Variants in CHCHD6 observed in about 807,000 individuals in gnomAD.
CHCHD6 encodes the protein coiled-coil-helix-coiled-coil-helix domain containing 6.
CHCHD6 carries 28 observed loss-of-function variants against 32.3 expected under a neutral mutation model. The ratio of observed to expected loss-of-function variants is 0.87; its 90% CI spans 0.64 to 1.19. The LOEUF (loss-of-function observed/expected upper bound fraction) is 1.19. CHCHD6 is among the 50% of genes most tolerant of loss of function. The probability of loss-of-function intolerance (pLI) is 0.00; values close to 1 mark genes in which losing one functional copy is unlikely to be tolerated. For missense variants in CHCHD6, 333 were observed against 307.0 expected, an observed-to-expected ratio of 1.08 and a Z score of -0.63; for synonymous variants, 122 against 117.5, an observed-to-expected ratio of 1.04 and a Z score of -0.25.
chr3:126,880,852 A>C (rs1331261811), intron 5 of CHCHD6, among the ~76,000 whole-genome samples: 1 of 152,246 alleles, frequency 6.6e-6, no homozygotes, highest in Non-Finnish European at 1.5e-5. Flanking sequence ...AAATAGTGAA[A>C]ATGATCAAAG....
chr3:126,865,041 TTCATCACTA>T, intron 5 of CHCHD6, among the ~76,000 whole-genome samples: 1 of 111,854 alleles, frequency 8.9e-6, no homozygotes, highest in Admixed American at 9.1e-5. Flanking sequence ...CTACCTCTAC[TTCATCACTA>T]CCTCCTCCTC....
intron 4 of CHCHD6, among the ~76,000 whole-genome samples, chr3:126,848,195 C>T (rs181761776): frequency 1.3e-5 from 2 of 152,262 alleles, no homozygotes; most frequent in Middle Eastern, 3.4e-3. Flanking sequence ...AGTCTGGTCT[C>T]CAGCTCCTGG....
chr3:126,742,507 T>C (rs1330348812), intron 4 of CHCHD6, among the ~76,000 whole-genome samples: 1 of 152,216 alleles, frequency 6.6e-6, no homozygotes, highest in African/African-American at 2.4e-5. Flanking sequence ...AAAACTCATG[T>C]GGAAATTTAA....
At chr3:126,828,286 A>G (rs191594618) in intron 4 of CHCHD6, among the ~76,000 whole-genome samples, 4 of 152,350 alleles carry the variant, frequency 2.6e-5, no homozygotes, top group Admixed American at 2.6e-4. Flanking sequence ...TGGATGCTCC[A>G]CAGGTCCCAA....
intron 5 of CHCHD6, among the ~76,000 whole-genome samples, chr3:126,864,268 C>T (rs145299453): frequency 6.7e-6 from 1 of 150,248 alleles, no homozygotes; most frequent in African/African-American, 2.5e-5. Context: ...TCCCCCTCCT[C>T]CATCACCACC....
intron 4 of CHCHD6, among the ~76,000 whole-genome samples, chr3:126,829,583 AGGTGGGGCTTTGGGAAGTCATGAG>A (rs1940547893): frequency 6.6e-6 from 1 of 151,906 alleles, no homozygotes; most frequent in Admixed American, 6.6e-5. Flanking sequence ...ATGTACATGG[AGGTGGGGCTTTGGGAAGTCATGAG>A]GGTGGGGCCT....
chr3:126,767,471 T>A (rs1330263734), intron 4 of CHCHD6: 1 of 606,552 alleles, frequency 1.6e-6, no homozygotes, highest in Non-Finnish European at 3.1e-6. Context: ...CCAAAGAATC[T>A]TTCCTGACTT....
chr3:126,725,558 C>T (rs1443648496), intron 1 of CHCHD6, among the ~76,000 whole-genome samples: 1 of 152,172 alleles, frequency 6.6e-6, no homozygotes, highest in Non-Finnish European at 1.5e-5. Flanking sequence ...ACTGCATTAC[C>T]CCCTAACAAG....
chr3:126,939,315 G>A (rs1298892811), intron 6 of CHCHD6, among the ~76,000 whole-genome samples: 2 of 152,208 alleles, frequency 1.3e-5, no homozygotes, highest in African/African-American at 4.8e-5. Context: ...TCAGATGTGT[G>A]TTTTAAGAAA....
In CHCHD6 at chr3:126,805,394, T is replaced by C. The variant is rs538418569; in HGVS notation, c.412-47253T>C. Among the ~76,000 whole-genome samples the C allele has an allele frequency of 2.9e-3, 445 of 152,098 alleles. 6 individuals carry two copies. In the East Asian group the frequency reaches 0.043, roughly 15 times the overall value. ...CAATGTGCAAAAGTCACAAGCATTC[T>C]TATACACCAATAACAGACAAACAGA... On this transcript the variant is annotated intron_variant, in intron 4 of 7. Coordinates refer to ENST00000290913, the MANE Select transcript of CHCHD6 (RefSeq NM_032343.3).
At chr3:126,850,574 T>C (rs1241684069) in intron 4 of CHCHD6, among the ~76,000 whole-genome samples, 2 of 152,118 alleles carry the variant, frequency 1.3e-5, no homozygotes, top group African/African-American at 2.4e-5. Context: ...TGGTGGTGGA[T>C]GTGTGAACGC....
At chr3:126,892,771 G>A (rs1486516013) in intron 5 of CHCHD6, among the ~76,000 whole-genome samples, 4 of 152,174 alleles carry the variant, frequency 2.6e-5, no homozygotes, top group South Asian at 4.1e-4. Context: ...AAAAGCAAAC[G>A]CAGCTCCTCC....
chr3:126,767,279 A>C (rs372430561), intron 4 of CHCHD6: 17 of 1,250,680 alleles, frequency 1.4e-5, no homozygotes, highest in Non-Finnish European at 1.9e-5. Context: ...GCCAAGGCCC[A>C]GCTGCCCCAT....
Position 126,935,552 on chromosome 3 carries a change from A to C in CHCHD6, c.566+20802A>C, listed in dbSNP as rs183969253. 3.3e-4 allele frequency among the ~76,000 whole-genome samples: 51 copies of C among 152,340 alleles called. No individual in the cohort carries two copies. The East Asian group carries it at 9.0e-3, about 27-fold the overall frequency. On this transcript the variant is annotated intron_variant, in intron 6 of 7. Transcript: ENST00000290913. ...CTATTGTAACAGAAAGGCGTTCTGC[A>C]CTCAGGTTTTGTTACTATGCAGATT...
At chr3:126,735,355 GATA>G (rs890707874) in intron 4 of CHCHD6, among the ~76,000 whole-genome samples, 4 of 152,188 alleles carry the variant, frequency 2.6e-5, no homozygotes, top group Non-Finnish European at 5.9e-5. Context: ...TCTCTAGATG[GATA>G]ATAATCCCCT....
chr3:126,831,639 G>T (rs984252685), intron 4 of CHCHD6, among the ~76,000 whole-genome samples: 1 of 152,166 alleles, frequency 6.6e-6, no homozygotes, highest in African/African-American at 2.4e-5. Flanking sequence ...GCGTGTTTAC[G>T]GTTGGACTCA....
chr3:126,705,003 C>CGAAA (rs1934409136), intron 1 of CHCHD6, among the ~76,000 whole-genome samples: 1 of 152,058 alleles, frequency 6.6e-6, no homozygotes, highest in African/African-American at 2.4e-5. Flanking sequence ...CGTGCCATTT[C>CGAAA]CCTCGCGTGG....
At chr3:126,931,708 A>C (rs1387138491) in intron 6 of CHCHD6, among the ~76,000 whole-genome samples, 1 of 152,112 alleles carries the variant, frequency 6.6e-6, no homozygotes, top group Non-Finnish European at 1.5e-5. Flanking sequence ...GGACCTTTCT[A>C]AGCTCCCCTT....
intron 6 of CHCHD6, among the ~76,000 whole-genome samples, chr3:126,929,685 C>T (rs1443542032): frequency 6.6e-6 from 1 of 151,994 alleles, no homozygotes; most frequent in African/African-American, 2.4e-5. Flanking sequence ...CCTGCCTCAG[C>T]CTCCTGAGTA....
Sources: allele counts gnomAD v4.1 joint callset (sites outside exome capture counted in the v4.1 genomes callset), GRCh38; gene constraint gnomAD v4.1.1; transcripts MANE v1.5; gene names NCBI Gene and HGNC (gene_info 2026-07-23, HGNC 2026-07-21).